The following TRIO variants were observed in gnomAD, a reference collection of about 807,000 sequenced individuals.
TRIO encodes the protein trio Rho guanine nucleotide exchange factor.
In TRIO, 58 loss-of-function variants were observed where a neutral mutation model predicts 351.9. That is an observed-to-expected ratio of 0.16 (90% confidence interval 0.13 to 0.21). The LOEUF is 0.21. Among genes scored for constraint, TRIO ranks in the 10% least tolerant of loss-of-function variants. The pLI is 1.00. For missense variants in TRIO, 3,201 were observed against 4,027.8 expected (o/e 0.79, Z 5.56); for synonymous variants, 1,758 against 1,595.7 (o/e 1.10, Z -2.42).
At chr5:14,259,051 A>G (rs1019635698) in intron 1 of TRIO, among the ~76,000 whole-genome samples, 2 of 152,202 alleles carry the variant, frequency 1.3e-5, no homozygotes, top group Non-Finnish European at 2.9e-5. Flanking sequence ...CGTTTCCTCA[A>G]GCTCACTTGC....
Position 14,290,744 on chromosome 5 carries a change from C to T in TRIO, c.569C>T (p.Thr190Ile). ...ETNMVSLEGLTKVVDPSQLTP... is the reference protein window; with the variant it reads ...ETNMVSLEGLIKVVDPSQLTP... ...AATATGGTCTCTTTAGAAGGCCTTACCAAAGTAGTTGATCCTTCTCAGCTA... is the reference window on the plus strand; with the variant it reads ...AATATGGTCTCTTTAGAAGGCCTTATCAAAGTAGTTGATCCTTCTCAGCTA... Residue 190 changes from threonine (T) to isoleucine (I), a missense_variant, in exon 5 of 57, where the codon ACC becomes ATC. Physicochemically the swap from Thr to Ile is moderately conservative, Grantham distance 89. Around this residue, in one of 19 missense-constraint regions of TRIO, gnomAD observed 15 missense variants for 16.4 expected, o/e 0.91. Coordinates refer to ENST00000344204, the MANE Select transcript of TRIO (RefSeq NM_007118.4). The T allele has an allele frequency of 6.2e-7, 1 of 1,613,594 alleles. No individual in the cohort carries two copies.
intron 8 of TRIO, among the ~76,000 whole-genome samples, chr5:14,313,283 G>A (rs1247138774): frequency 2.0e-5 from 3 of 152,174 alleles, no homozygotes; most frequent in Admixed American, 6.5e-5. Flanking sequence ...AGGTATTTGT[G>A]TATTGACTTT....
intron 34 of TRIO, among the ~76,000 whole-genome samples, chr5:14,431,004 G>A (rs971276772): frequency 2.0e-5 from 3 of 152,180 alleles, no homozygotes; most frequent in African/African-American, 4.8e-5. Context: ...GAGCCACTGC[G>A]CCTGGCCTGA....
At chr5:14,343,623 T>C (rs1742144807) in intron 11 of TRIO, among the ~76,000 whole-genome samples, 1 of 152,212 alleles carries the variant, frequency 6.6e-6, no homozygotes, top group African/African-American at 2.4e-5. Flanking sequence ...TGGTATTTCA[T>C]GGTCTGGATA....
intron 10 of TRIO, among the ~76,000 whole-genome samples, chr5:14,332,402 T>G (rs1740983242): frequency 1.3e-5 from 2 of 152,204 alleles, no homozygotes; most frequent in Non-Finnish European, 2.9e-5. Context: ...ATTCATCTTT[T>G]GCAAGGAGGA....
intron 34 of TRIO, among the ~76,000 whole-genome samples, chr5:14,430,058 CAT>C (rs1413594340): frequency 1.1e-4 from 17 of 152,186 alleles, no homozygotes; most frequent in South Asian, 2.1e-4. Flanking sequence ...GATACCCTCA[CAT>C]GTGTATCATT....
chr5:14,426,980 C>T (rs551515197), intron 34 of TRIO, among the ~76,000 whole-genome samples: 107 of 152,246 alleles, frequency 7.0e-4, no homozygotes, highest in African/African-American at 2.5e-3. Flanking sequence ...CAGGGTTACT[C>T]CTCAGAATCA....
rs144344135 is a variant in TRIO at position 14,407,051 on chromosome 5, C to T, written c.4959+379C>T. 1.9e-3 allele frequency among the ~76,000 whole-genome samples: 283 copies of T among 152,220 alleles called. 3 individuals are homozygous for T. The Middle Eastern group carries it at 0.031, about 16-fold the overall frequency. ...TTTAATTTAGGATCTTTAAGATGGA[C>T]AGCACCCTTCCAGCGACTAGGAGGG... On this transcript the variant is annotated intron_variant, in intron 33 of 56. Transcript: ENST00000344204.
intron 9 of TRIO, 147 bp from the exon 10 acceptor site, chr5:14,330,631 C>T (rs1740823386): frequency 5.4e-6 from 5 of 929,482 alleles, no homozygotes; most frequent in African/African-American, 1.7e-5. Flanking sequence ...AATTAGTATC[C>T]AATTACTTCT....
intron 11 of TRIO, among the ~76,000 whole-genome samples, chr5:14,347,531 A>T (rs560454524): frequency 6.6e-6 from 1 of 152,234 alleles, no homozygotes; most frequent in Admixed American, 6.5e-5. Context: ...ATCTGGAGAG[A>T]CTGCTCATCC....
chr5:14,243,785 A>C (rs1333004977), intron 1 of TRIO, among the ~76,000 whole-genome samples: 1 of 152,200 alleles, frequency 6.6e-6, no homozygotes, highest in Admixed American at 6.5e-5. Flanking sequence ...GTTTTTGTCT[A>C]GTATGATCCA....
intron 9 of TRIO, among the ~76,000 whole-genome samples, chr5:14,321,153 C>T (rs969283971): frequency 2.0e-5 from 3 of 152,162 alleles, no homozygotes; most frequent in Non-Finnish European, 4.4e-5. Context: ...GGAATATCTT[C>T]GTGGAAGAGG....
chr5:14,319,158 G>A (rs1180808820), intron 9 of TRIO, among the ~76,000 whole-genome samples: 1 of 152,192 alleles, frequency 6.6e-6, no homozygotes, highest in African/African-American at 2.4e-5. Context: ...ATATTGGCTT[G>A]GATGTCAGCA....
intron 7 of TRIO, among the ~76,000 whole-genome samples, chr5:14,298,367 AG>A (rs1393938249): frequency 6.6e-6 from 1 of 152,216 alleles, no homozygotes; most frequent in African/African-American, 2.4e-5. Flanking sequence ...ATGTGGAGAA[AG>A]GGCATAGGAA....
intron 53 of TRIO, among the ~76,000 whole-genome samples, chr5:14,500,197 A>C (rs376426644): frequency 2.0e-5 from 3 of 152,178 alleles, no homozygotes; most frequent in African/African-American, 7.2e-5. Context: ...TTCCAAGATG[A>C]TCTTAACCAT....
chr5:14,292,311 C>T (rs992708759), intron 5 of TRIO, among the ~76,000 whole-genome samples: 1 of 152,202 alleles, frequency 6.6e-6, no homozygotes, highest in Non-Finnish European at 1.5e-5. Flanking sequence ...TTTTCAATTA[C>T]TGGAAGACCA....
At chr5:14,154,567 G>A (rs1335450599) in intron 1 of TRIO, among the ~76,000 whole-genome samples, 2 of 152,086 alleles carry the variant, frequency 1.3e-5, no homozygotes, top group Non-Finnish European at 2.9e-5. Flanking sequence ...TCTGTGTGTG[G>A]GTTGCGTTCT....
chr5:14,366,562 G>C lies in TRIO; in HGVS notation c.2755-298G>C, dbSNP rs542877092. ...GGTGTCAGTAGGTTTTCTAAAATAT[G>C]GCCCATAATCTGTTTTGACTTGTGG... On this transcript the variant is annotated intron_variant, in intron 15 of 56. Transcript: ENST00000344204. 4.6e-5 allele frequency among the ~76,000 whole-genome samples: 7 copies of C among 152,272 alleles called. No homozygotes were observed. In the South Asian group the frequency reaches 1.5e-3, roughly 32 times the overall value.
intron 11 of TRIO, among the ~76,000 whole-genome samples, chr5:14,350,814 C>T (rs1021902133): frequency 1.3e-5 from 2 of 152,104 alleles, no homozygotes; most frequent in Admixed American, 6.6e-5. Flanking sequence ...ATTAAGGCGG[C>T]GGTCCCCAGG....
Sources: gnomAD v4.1 joint callset for allele counts (sites outside exome capture counted in the v4.1 genomes callset) on GRCh38, gnomAD v4.1.1 for gene constraint, gnomAD v4.1.1 regional missense constraint, MANE v1.5 for transcripts, NCBI Gene and HGNC (gene_info 2026-07-23, HGNC 2026-07-21) for gene names.